Variants in DMD observed in about 807,000 individuals in gnomAD.
DMD encodes mutant dystrophin.
A neutral mutation model predicts 330.1 loss-of-function variants in DMD; 63 were observed. The observed-to-expected ratio is 0.19, with a 90% confidence interval of 0.16 to 0.24. DMD has a LOEUF of 0.24. Among genes scored for constraint, DMD ranks in the 10% least tolerant of loss-of-function variants. The pLI, the probability that DMD is intolerant of heterozygous loss-of-function variation, is 1.00. For missense variants in DMD, 3,344 were observed against 2,684.1 expected (o/e 1.25, Z -5.43); for synonymous variants, 1,223 against 959.8 (o/e 1.27, Z -5.07).
chrX:33,141,796 A>G (rs2047812661), intron 1 of DMD, among the ~76,000 whole-genome samples: 1 of 111,799 alleles, frequency 8.9e-6, no homozygotes, highest in Non-Finnish European at 1.9e-5. Flanking sequence ...AAAACAACCA[A>G]GCAGTGAATC....
chrX:31,229,832 T>A lies in DMD; in HGVS notation c.9287-6711A>T, dbSNP rs140184956. 7.3e-3 allele frequency among the ~76,000 whole-genome samples: 823 copies of A among 112,264 alleles called. 4 individuals carry two copies. The highest frequency in any genetic ancestry group is 0.01 in the Non-Finnish European group (546 of 53,267). ...TATGTCTCCAATTTTCCAGTCTCAC[T>A]CCTCCAAAGGATTCTAATGGACTTT... On this transcript the variant is annotated intron_variant, in intron 63 of 78. Transcript: ENST00000357033.
rs774605395 is a variant in DMD at position 32,484,075 on chromosome X, GATT to G, written c.2803+841_2803+843del. 2.7e-5 allele frequency among the ~76,000 whole-genome samples: 3 copies of G among 110,845 alleles called. No homozygotes were observed. In the South Asian group the frequency reaches 1.1e-3, roughly 42 times the overall value. On this transcript the variant is annotated intron_variant, in intron 21 of 78. Coordinates refer to ENST00000357033, the MANE Select transcript of DMD (RefSeq NM_004006.3). ...CTTCTCATGACAAATTTGGGACAGAGATTTTTTCAGAAAAATACTTTTATCTTA... is the reference window on the plus strand; with the variant it reads ...CTTCTCATGACAAATTTGGGACAGAGTTTTCAGAAAAATACTTTTATCTTA...
intron 44 of DMD, among the ~76,000 whole-genome samples, chrX:32,062,330 C>A (rs906647440): frequency 4.5e-5 from 5 of 111,009 alleles, no homozygotes; most frequent in Non-Finnish European, 9.5e-5. Context: ...TGAATGCTAC[C>A]TAAGAATACA....
At chrX:33,012,424 T>C (rs184810716) in intron 2 of DMD, among the ~76,000 whole-genome samples, 150 of 111,942 alleles carry the variant, frequency 1.3e-3, no homozygotes, top group Admixed American at 2.1e-3. Context: ...ACACAATAAT[T>C]TGTTTATGAG....
chrX:32,067,196 G>T (rs757260010), intron 44 of DMD, among the ~76,000 whole-genome samples: 3 of 111,285 alleles, frequency 2.7e-5, no homozygotes, highest in Non-Finnish European at 3.8e-5. Flanking sequence ...AGAAGTGACT[G>T]GTAACAAAAA....
intron 5 of DMD, among the ~76,000 whole-genome samples, chrX:32,820,434 T>G (rs2078144665): frequency 9.0e-6 from 1 of 110,930 alleles, no homozygotes; most frequent in Admixed American, 9.6e-5. Context: ...AGAGCGAGAC[T>G]CTGTCTCAAA....
In DMD at chrX:32,423,033, T is replaced by A. The variant is rs763849942; in HGVS notation, c.4072-11120A>T. Among the ~76,000 whole-genome samples the A allele has an allele frequency of 2.2e-4, 24 of 110,962 alleles. 1 individual carries two copies. The highest frequency in any genetic ancestry group is 4.2e-4 in the Non-Finnish European group (22 of 52,820). On this transcript the variant is annotated intron_variant, in intron 29 of 78. Coordinates refer to ENST00000357033, the MANE Select transcript of DMD (RefSeq NM_004006.3). Reference sequence around the variant, plus strand: ...GACAAGTTTCATTAACATAAAGATATAAACTCGAGGAATTTTTCTGAAAAG... The same window carrying A: ...GACAAGTTTCATTAACATAAAGATAAAAACTCGAGGAATTTTTCTGAAAAG...
chrX:31,848,493 C>T (rs1236290918), intron 48 of DMD, among the ~76,000 whole-genome samples: 1 of 111,387 alleles, frequency 9.0e-6, no homozygotes, highest in Admixed American at 9.6e-5. Context: ...ACCAAAAAGT[C>T]TCATTTCTAA....
chrX:31,308,383 T>A (rs1263379836), intron 62 of DMD, among the ~76,000 whole-genome samples: 4 of 111,772 alleles, frequency 3.6e-5, no homozygotes, highest in Non-Finnish European at 7.5e-5. Flanking sequence ...TAGCATAATC[T>A]AGCCAGGCAA....
chrX:31,875,489 T>C (rs1331262666), intron 47 of DMD, 116 bp from the exon 48 acceptor site: 1 of 609,685 alleles, frequency 1.6e-6, no homozygotes, highest in Non-Finnish European at 2.5e-6. Context: ...CTTACTGATT[T>C]GTGTTATTTT....
intron 1 of DMD, among the ~76,000 whole-genome samples, chrX:33,258,389 T>C (rs1340611401): frequency 1.8e-5 from 2 of 111,489 alleles, no homozygotes; most frequent in Non-Finnish European, 3.8e-5. Context: ...GAAAAATACT[T>C]GCACTGAAAG....
At chrX:32,734,528 A>G (rs1166262201) in intron 7 of DMD, among the ~76,000 whole-genome samples, 1 of 106,028 alleles carries the variant, frequency 9.4e-6, no homozygotes, top group Non-Finnish European at 1.9e-5. Context: ...AAATACTGGC[A>G]AAACGAATCC....
intron 50 of DMD, among the ~76,000 whole-genome samples, chrX:31,811,704 T>C (rs900981309): frequency 1.8e-5 from 2 of 111,419 alleles, no homozygotes; most frequent in Non-Finnish European, 3.8e-5. Flanking sequence ...AAACCGGCAA[T>C]AGTATAGCCA....
intron 63 of DMD, among the ~76,000 whole-genome samples, chrX:31,237,409 T>C (rs1455078364): frequency 8.9e-6 from 1 of 112,893 alleles, no homozygotes; most frequent in East Asian, 2.8e-4. Context: ...AAGCATGTGA[T>C]AGAGAATGTT....
At chrX:32,561,720 A>C (rs190829146) in intron 16 of DMD, among the ~76,000 whole-genome samples, 170 of 111,641 alleles carry the variant, frequency 1.5e-3, no homozygotes, top group African/African-American at 5.5e-3. Context: ...TGAGCAGACC[A>C]ACCCCAACAT....
chrX:32,975,666 CCTT>C (rs774662071), intron 2 of DMD, among the ~76,000 whole-genome samples: 1 of 111,098 alleles, frequency 9.0e-6, no homozygotes, highest in South Asian at 3.8e-4. Flanking sequence ...GCTGCCTCTT[CCTT>C]CTTCTTGCTT....
intron 47 of DMD, among the ~76,000 whole-genome samples, chrX:31,918,479 G>A (rs747952307): frequency 4.5e-5 from 5 of 111,450 alleles, no homozygotes; most frequent in Admixed American, 9.5e-5. Flanking sequence ...TTGAGGCCAC[G>A]TTGGGAATTA....
intron 7 of DMD, among the ~76,000 whole-genome samples, chrX:32,760,338 T>TA (rs11426911): frequency 0.31 from 34,389 of 111,028 alleles, 4,150 homozygotes; most frequent in South Asian, 0.44. Flanking sequence ...TCATATTTGT[T>TA]AGTACCTCAT....
chrX:32,847,623 G>C (rs897587281), intron 3 of DMD, among the ~76,000 whole-genome samples: 1 of 111,897 alleles, frequency 8.9e-6, no homozygotes, highest in African/African-American at 3.2e-5. Context: ...CCTCAGACCA[G>C]GGCTGACAGA....
Sources: gnomAD v4.1 joint callset for allele counts (sites outside exome capture counted in the v4.1 genomes callset) on GRCh38, gnomAD v4.1.1 for gene constraint, MANE v1.5 for transcripts, NCBI Gene and HGNC (gene_info 2026-07-23, HGNC 2026-07-21) for gene names.